LMOD1: variants seen among roughly 807,000 people sequenced by gnomAD.
The protein encoded by LMOD1 is leiomodin 1, also known as leiomodin-1.
A neutral mutation model predicts 36.5 loss-of-function variants in LMOD1; 8 were observed. The ratio of observed to expected loss-of-function variants is 0.22; its 90% CI spans 0.13 to 0.40. The LOEUF (loss-of-function observed/expected upper bound fraction) is 0.40, where lower values mean the gene tolerates loss of function less well. Among genes scored for constraint, LMOD1 ranks in the 10% least tolerant of loss-of-function variants. The probability of loss-of-function intolerance (pLI) is 1.00; values close to 1 mark genes in which losing one functional copy is unlikely to be tolerated. For missense variants in LMOD1, 630 were observed against 751.1 expected (o/e 0.84, Z 1.88); for synonymous variants, 284 against 288.7 (o/e 0.98, Z 0.17).
intron 1 of LMOD1, among the ~76,000 whole-genome samples, chr1:201,936,697 G>A (rs565255666): frequency 2.6e-5 from 4 of 152,294 alleles, no homozygotes; most frequent in Non-Finnish European, 4.4e-5. Flanking sequence ...AACACTTTGG[G>A]AGACCGAGGC....
intron 1 of LMOD1, among the ~76,000 whole-genome samples, chr1:201,927,900 A>G (rs911116916): frequency 6.6e-6 from 1 of 152,226 alleles, no homozygotes; most frequent in Non-Finnish European, 1.5e-5. Flanking sequence ...TCCAAAGTTC[A>G]TACATTGGAA....
rs1681284451 is a variant in LMOD1 at position 201,900,603 on chromosome 1, T to C, written c.410A>G (p.Asp137Gly). The change falls in exon 2 of 3, where the codon GAC (aspartate) becomes GGC (glycine). Residue 137 changes from aspartate (D) to glycine (G), a missense_variant. By Grantham distance (94) the Asp-to-Gly change is moderately conservative. Coordinates refer to ENST00000367288, the MANE Select transcript of LMOD1 (RefSeq NM_012134.3). ...ACTCTTGCCACCAGCTTCATCTCTG[T>C]CTCTAGAGAAGCTTTTCTTTAAACC... ...RGGLKKSFSR[D>G]RDEAGGKSGE... is the part of the protein sequence containing the mutation. 6.2e-7 allele frequency: 1 copy of C among 1,613,894 alleles called. No homozygotes were observed. The highest frequency in any genetic ancestry group is 8.5e-7 in the Non-Finnish European group (1 of 1,179,890).
rs1236173204 is a variant in LMOD1, at chr1:201,924,381, G to A, written c.261+21699C>T. Among the ~76,000 whole-genome samples the A allele has an allele frequency of 2.4e-4, 31 of 128,584 alleles. 2 individuals are homozygous for A. The highest frequency in any genetic ancestry group is 3.9e-4 in the Admixed American group (5 of 12,786). The allele number at this position is 128,584 out of a possible 152,430, so 84.4% of individuals were successfully genotyped here. A position where few individuals can be genotyped will look rare whatever the true frequency, so the allele number is the denominator to read the frequency against. On this transcript the variant is annotated intron_variant, in intron 1 of 2. Coordinates refer to ENST00000367288, the MANE Select transcript of LMOD1 (RefSeq NM_012134.3). ...GGAGGGAGAGAGGGAGGGAGGGAGGGAAGGAAGGAAGGAAGGAAGGAAGCA... is the reference window on the plus strand; with the variant it reads ...GGAGGGAGAGAGGGAGGGAGGGAGGAAAGGAAGGAAGGAAGGAAGGAAGCA...
rs1469670817 is a variant in LMOD1, at chr1:201,900,517, C to G, written c.496G>C (p.Ala166Pro). The change falls in exon 2 of 3, where the codon GCA becomes CCA. Residue 166 changes from alanine (A) to proline (P), a missense_variant. Ala to Pro is a conservative substitution (Grantham distance 27). Coordinates refer to ENST00000367288, the MANE Select transcript of LMOD1 (RefSeq NM_012134.3). The part of the protein sequence containing the change: ...RGIDKGRVRA[A>P]VDKKEAGKDG... ...TTCCCTGCCTCCTTCTTATCCACTGCAGCCCTGACCCGGCCCTTGTCAATG... is the reference window on the plus strand; with the variant it reads ...TTCCCTGCCTCCTTCTTATCCACTGGAGCCCTGACCCGGCCCTTGTCAATG... The G allele has an allele frequency of 1.2e-6, 2 of 1,613,868 alleles. No individual in the cohort carries two copies. The highest frequency in any genetic ancestry group is 3.3e-5 in the Admixed American group (2 of 60,002).
intron 1 of LMOD1, among the ~76,000 whole-genome samples, chr1:201,928,088 C>T (rs1681858928): frequency 6.6e-6 from 1 of 152,190 alleles, no homozygotes; most frequent in African/African-American, 2.4e-5. Flanking sequence ...TGCCTACTGC[C>T]ATGGATTGGA....
intron 1 of LMOD1, among the ~76,000 whole-genome samples, chr1:201,901,670 A>G (rs1452986759): frequency 2.0e-5 from 2 of 100,688 alleles, no homozygotes; most frequent in African/African-American, 7.6e-5. Flanking sequence ...GTATATATAT[A>G]TATACACATA....
chr1:201,942,255 C>G (rs538063345), intron 1 of LMOD1, among the ~76,000 whole-genome samples: 13 of 152,286 alleles, frequency 8.5e-5, no homozygotes, highest in African/African-American at 2.9e-4. Context: ...CCCTCCAAGT[C>G]CCACAAGCTG....
chr1:201,912,381 T>C (rs2102915261), intron 1 of LMOD1, among the ~76,000 whole-genome samples: 2 of 149,970 alleles, frequency 1.3e-5, no homozygotes, highest in South Asian at 2.1e-4. Flanking sequence ...GCCCTTCTCC[T>C]CCCCCTCCCC....
intron 1 of LMOD1, among the ~76,000 whole-genome samples, chr1:201,935,316 G>A (rs1393823272): frequency 6.9e-6 from 1 of 145,818 alleles, no homozygotes; most frequent in East Asian, 2.2e-4. Context: ...TGAATTTGAT[G>A]TCCTTTTTTT....
In LMOD1 at chr1:201,900,398, A is replaced by G. The variant is rs752351004; in HGVS notation, c.615T>C (p.Asp205=). ...CCTCCTTCATCTCCTCTCTCTTTTTATCCTTGTCCCTGCTCAAGCCTGTGT... is the reference window on the plus strand; with the variant it reads ...CCTCCTTCATCTCCTCTCTCTTTTTGTCCTTGTCCCTGCTCAAGCCTGTGT... ...DRNTGLSRDK[D]KKREEMKEVA... is the part of the protein sequence containing the mutation. The change falls in exon 2 of 3, where the codon GAT becomes GAC. Residue 205 remains aspartate (D), a synonymous_variant. Coordinates refer to ENST00000367288, the MANE Select transcript of LMOD1 (RefSeq NM_012134.3). 2.6e-5 allele frequency: 40 copies of G among 1,556,208 alleles called. No individual in the cohort carries two copies. The highest frequency in any genetic ancestry group is 3.4e-5 in the Non-Finnish European group (39 of 1,151,090).
At position 201,900,187 on chromosome 1, in the gene LMOD1, G is replaced by T. The variant is rs766682590; in HGVS notation, c.826C>A (p.Pro276Thr). The T allele has an allele frequency of 1.2e-6, 2 of 1,613,886 alleles. No homozygotes were observed. The highest frequency in any genetic ancestry group is 1.7e-6 in the Non-Finnish European group (2 of 1,179,882). ...TCCTTGGCTTCCTTTTCATGTAAGG[G>T]TTCATTCTTCTTGACTTTTTCATCG... The part of the protein sequence containing the change: ...KDDEKVKKNE[P>T]LHEKEAKDDS... The change falls in exon 2 of 3, where the codon CCC becomes ACC. Residue 276 changes from proline (P) to threonine (T), a missense_variant. This residue lies in a region of LMOD1 where 405 missense variants were observed against 400.6 expected (regional missense o/e 1.01). Transcript: ENST00000367288.
chr1:201,911,800 A>G (rs1480149246), intron 1 of LMOD1, among the ~76,000 whole-genome samples: 1 of 152,184 alleles, frequency 6.6e-6, no homozygotes, highest in African/African-American at 2.4e-5. Flanking sequence ...GTGCTTGGCA[A>G]TGAGACTCAA....
chr1:201,924,993 T>C (rs1197219477), intron 1 of LMOD1, among the ~76,000 whole-genome samples: 1 of 152,168 alleles, frequency 6.6e-6, no homozygotes, highest in African/African-American at 2.4e-5. Context: ...GGCGGGCAGA[T>C]CATTTGAGGT....
chr1:201,943,367 T>C (rs1682152265), intron 1 of LMOD1, among the ~76,000 whole-genome samples: 1 of 152,260 alleles, frequency 6.6e-6, no homozygotes, highest in Non-Finnish European at 1.5e-5. Context: ...GTGCTCGGCA[T>C]GTAGAAGTTT....
chr1:201,928,428 T>C (rs1314998203), intron 1 of LMOD1, among the ~76,000 whole-genome samples: 1 of 152,182 alleles, frequency 6.6e-6, no homozygotes, highest in African/African-American at 2.4e-5. Context: ...AGCTGCAGAA[T>C]TGGTATATCC....
chr1:201,945,549 C>T (rs995072683), intron 1 of LMOD1, among the ~76,000 whole-genome samples: 1 of 152,182 alleles, frequency 6.6e-6, no homozygotes, highest in African/African-American at 2.4e-5. Context: ...CCCTGTCTCC[C>T]TTTGCTTTGG....
intron 2 of LMOD1, 133 bp from the exon 3 acceptor site, chr1:201,898,531 A>G: frequency 2.9e-6 from 2 of 697,912 alleles, no homozygotes; most frequent in South Asian, 4.5e-5. Context: ...ACACTGAGGG[A>G]GCATTTTTCA....
chr1:201,939,652 T>C (rs532148447), intron 1 of LMOD1, among the ~76,000 whole-genome samples: 1 of 152,292 alleles, frequency 6.6e-6, no homozygotes, highest in Non-Finnish European at 1.5e-5. Flanking sequence ...AGGCCTGCAT[T>C]CTATGGCTCA....
intron 1 of LMOD1, among the ~76,000 whole-genome samples, chr1:201,918,777 T>C (rs1275724107): frequency 6.6e-6 from 1 of 152,236 alleles, no homozygotes; most frequent in Non-Finnish European, 1.5e-5. Context: ...GCTTCAGCGA[T>C]TCTCTACATA....
Sources: gnomAD v4.1 joint callset for allele counts (sites outside exome capture counted in the v4.1 genomes callset) on GRCh38, gnomAD v4.1.1 for gene constraint, gnomAD v4.1.1 regional missense constraint, MANE v1.5 for transcripts, NCBI Gene and HGNC (gene_info 2026-07-23, HGNC 2026-07-21) for gene names.